CEP170B: variants seen among roughly 807,000 people sequenced by gnomAD.
CEP170B encodes centrosomal protein 170B, also known as centrosomal protein of 170 kDa protein B.
Under a neutral mutation model 120.6 loss-of-function variants are expected in CEP170B, and 55 were observed. The observed-to-expected ratio is 0.46, with a 90% CI of 0.37 to 0.57. The LOEUF (loss-of-function observed/expected upper bound fraction) is 0.57, where lower values mean the gene tolerates loss of function less well. CEP170B is among the 20% of genes least tolerant of loss of function. The probability of loss-of-function intolerance (pLI) is 0.00; values close to 1 mark genes in which losing one functional copy is unlikely to be tolerated. For missense variants in CEP170B, 2,212 were observed against 2,253.3 expected, an observed-to-expected ratio of 0.98 and a Z score of 0.37; for synonymous variants, 1,033 against 954.5, an observed-to-expected ratio of 1.08 and a Z score of -1.52.
At position 104,877,947 on chromosome 14, in the gene CEP170B, C is replaced by T. The variant is rs1895950932; in HGVS notation, c.258C>T (p.Val86=). The T allele has an allele frequency of 1.9e-6, 3 of 1,607,260 alleles. No homozygotes were observed. The East Asian group carries it at 6.7e-5, about 36-fold the overall frequency. ...QKYVTLKLND[V]IRFGYDSNMY... is the part of the protein sequence containing the mutation. Reference sequence around the variant, plus strand: ...ACGTCACGCTGAAGCTCAACGATGTCATCCGCTTCGGCTACGATATCCTGC... The same window carrying T: ...ACGTCACGCTGAAGCTCAACGATGTTATCCGCTTCGGCTACGATATCCTGC... The change falls in exon 4 of 19, where the codon GTC becomes GTT. Residue 86 remains valine (V), a synonymous_variant. Transcript: ENST00000414716.
In CEP170B at chr14:104,877,872, T is replaced by G. The variant is rs1287736638; in HGVS notation, c.196-13T>G. The G allele has an allele frequency of 5.3e-5, 34 of 645,634 alleles. No homozygotes were observed. The highest frequency in any genetic ancestry group is 6.3e-5 in the Non-Finnish European group (32 of 504,368). The allele number at this position is 645,634 out of a possible 1,614,324, so 40.0% of individuals were successfully genotyped here. On this transcript the variant is annotated splice_polypyrimidine_tract_variant and intron_variant, in intron 3 of 18. Transcript: ENST00000414716. Reference sequence around the variant, plus strand: ...CAGCTCCCCCCCCCCCCCCGCCACCTGTTTTCCTGCAGACGTTTGTGAATG... The same window carrying G: ...CAGCTCCCCCCCCCCCCCCGCCACCGGTTTTCCTGCAGACGTTTGTGAATG...
At chr14:104,893,193 C>G (rs1896933293) in intron 14 of CEP170B, 58 bp downstream of exon 14, 2 of 1,545,206 alleles carry the variant, frequency 1.3e-6, no homozygotes, top group South Asian at 2.4e-5. Context: ...GAGGGTCAGG[C>G]CAGGTCCCCA....
In CEP170B at chr14:104,891,059, GTGGA is replaced by G. The variant is rs373720795; in HGVS notation, c.3878+1322_3878+1325del. ...GATGGATGGATGGATGAGTGGGTGG[GTGGA>G]TGGATGGATGGATGGATGGAGAGTG... On this transcript the variant is annotated intron_variant, in intron 13 of 18. Transcript: ENST00000414716. The surrounding 1 kb of genome is among the most constrained non-coding windows in gnomAD (Gnocchi z 4.3). Among the ~76,000 whole-genome samples, 8 of 146,508 alleles carry G rather than the reference GTGGA, an allele frequency of 5.5e-5. No homozygotes were observed. The highest frequency in any genetic ancestry group is 2.2e-4 in the South Asian group (1 of 4,560).
At chr14:104,877,833 G>GCCCCCCCC in intron 3 of CEP170B, 52 bp from the exon 4 acceptor site, 15 of 359,708 alleles carry the variant, frequency 4.2e-5, no homozygotes, top group Admixed American at 1.2e-4. Context: ...CCTGCCCACA[G>GCCCCCCCC]CCACCCACCC....
chr14:104,882,558 A>G (rs1315382596), intron 6 of CEP170B, among the ~76,000 whole-genome samples, 170 bp from the exon 7 acceptor site: 1 of 152,036 alleles, frequency 6.6e-6, no homozygotes, highest in Non-Finnish European at 1.5e-5. Flanking sequence ...TCGGAACTCA[A>G]GGTAGTCAAC....
intron 13 of CEP170B, among the ~76,000 whole-genome samples, chr14:104,890,384 G>A (rs1257353808): frequency 7.1e-6 from 1 of 141,096 alleles, no homozygotes; most frequent in Non-Finnish European, 1.5e-5. Flanking sequence ...GTGGATGGAT[G>A]GATGAGTGGA....
In CEP170B at chr14:104,883,119, G is replaced by A. The variant is rs1441493390; in HGVS notation, c.662G>A (p.Arg221Gln). ...GAGCCTCAGGGCTGCTCGTTCCGGC[G>A]GGAGCCCAGCTACTTCGAGATCCCC... is the stretch of plus-strand genomic sequence containing the variant. ...PAEPQGCSFR[R>Q]EPSYFEIPTK... is the part of the protein sequence containing the mutation. The change falls in exon 8 of 19, where the codon CGG becomes CAG. Residue 221 changes from arginine (R) to glutamine (Q), a missense_variant. Physicochemically the swap from Arg to Gln is conservative, Grantham distance 43. Around this residue, in one of 2 missense-constraint regions of CEP170B, gnomAD observed 2,166 missense variants for 2,166.7 expected, o/e 1.00. Transcript: ENST00000414716. 2 of 1,595,170 alleles carry A rather than the reference G, an allele frequency of 1.3e-6. No individual in the cohort carries two copies. Among genetic ancestry groups the A allele is most frequent in the Non-Finnish European group, 1.7e-6 (2 of 1,173,574 alleles).
rs1897064150 is a variant in CEP170B, at chr14:104,896,144, C to T, written c.*1186C>T. 5.6e-6 allele frequency: 1 copy of T among 178,122 alleles called. No homozygotes were observed. The highest frequency in any genetic ancestry group is 1.2e-5 in the Non-Finnish European group (1 of 82,718). The allele number at this position is 178,122 out of a possible 1,614,324, so 11.0% of individuals were successfully genotyped here. Reference sequence around the variant, plus strand: ...GACTGGCGTGGGTGAGCTCCACACCCTGCCTGGCAATGGTATGAGAGTCGG... The same window carrying T: ...GACTGGCGTGGGTGAGCTCCACACCTTGCCTGGCAATGGTATGAGAGTCGG... On this transcript the variant is annotated 3_prime_UTR_variant, in exon 19 of 19. Transcript: ENST00000414716.
rs1309262463 is a variant in CEP170B, at chr14:104,865,874, C to T, written c.-28+361C>T. Among the ~76,000 whole-genome samples, 4 of 152,088 alleles carry T rather than the reference C, an allele frequency of 2.6e-5. No individual in the cohort carries two copies. The highest frequency in any genetic ancestry group is 1.3e-4 in the Admixed American group (2 of 15,274). On this transcript the variant is annotated intron_variant, in intron 1 of 18. Coordinates refer to ENST00000414716, the MANE Select transcript of CEP170B (RefSeq NM_001112726.3). This position sits in a 1 kb window ranked among gnomAD's most constrained non-coding sequence, Gnocchi z 6.7. ...GGCCGCCTCCCTCCTGGCCTGGTCT[C>T]TCCTCCCGCGGTCCCTCCCTCCGTC...
rs1896837969 is a variant in CEP170B at position 104,891,075 on chromosome 14, A to G, written c.3878+1317A>G. Among the ~76,000 whole-genome samples the G allele has an allele frequency of 2.9e-5, 4 of 139,764 alleles. No homozygotes were observed. In the South Asian group the frequency reaches 1.0e-3, roughly 36 times the overall value. The allele number at this position is 139,764 out of a possible 152,430, so 91.7% of individuals were successfully genotyped here. A position where few individuals can be genotyped will look rare whatever the true frequency, so the allele number is the denominator to read the frequency against. On this transcript the variant is annotated intron_variant, in intron 13 of 18. Coordinates refer to ENST00000414716, the MANE Select transcript of CEP170B (RefSeq NM_001112726.3). This position sits in a 1 kb window ranked among gnomAD's most constrained non-coding sequence, Gnocchi z 4.3. ...AGTGGGTGGGTGGATGGATGGATGG[A>G]TGGATGGAGAGTGAGTGGGTGGATG...
Position 104,876,260 on chromosome 14 carries a change from G to A in CEP170B, c.110G>A (p.Arg37His), listed in dbSNP as rs1486977164. 1 of 1,550,580 alleles carries A rather than the reference G, an allele frequency of 6.4e-7. No individual in the cohort carries two copies. Among genetic ancestry groups the A allele is most frequent in the Non-Finnish European group, 8.7e-7 (1 of 1,146,726 alleles). ...REECELMLQSRSVDKQHAVIN... is the reference protein window; with the variant it reads ...REECELMLQSHSVDKQHAVIN... ...GCTGGCTGTGTGTCTCTCCAGTCCC[G>A]CAGCGTGGACAAGCAGCATGCCGTC... The change falls in exon 3 of 19, where the codon CGC becomes CAC. Residue 37 changes from arginine to histidine, a missense_variant. Arg to His is a conservative substitution (Grantham distance 29). Transcript: ENST00000414716.
rs144789586 is a variant in CEP170B, at chr14:104,874,184, G to A, written c.106-2072G>A. Among the ~76,000 whole-genome samples the A allele has an allele frequency of 2.2e-3, 335 of 152,236 alleles. 3 individuals carry two copies. The highest frequency in any genetic ancestry group is 7.8e-3 in the African/African-American group (323 of 41,544). ...TGAGTGCTGGGGGTCGCCTGTGTCT[G>A]GAGGCCTTCAGGGACAGGTAGGAAG... On this transcript the variant is annotated intron_variant, in intron 2 of 18. Transcript: ENST00000414716.
rs1197646407 is a variant in CEP170B at position 104,883,816 on chromosome 14, C to T, written c.1052-15C>T. 6.6e-7 allele frequency: 1 copy of T among 1,521,502 alleles called. No individual in the cohort carries two copies. The highest frequency in any genetic ancestry group is 8.8e-7 in the Non-Finnish European group (1 of 1,132,718). 94.3% of individuals were successfully genotyped at this position (1,521,502 alleles called of 1,614,324 possible). A position where few individuals can be genotyped will look rare whatever the true frequency, so the allele number is the denominator to read the frequency against. On this transcript the variant is annotated splice_polypyrimidine_tract_variant and intron_variant, in intron 8 of 18. Transcript: ENST00000414716. The stretch of plus-strand genomic sequence containing the variant: ...TCTCTCGGCCTGACAAGGTGGGGTC[C>T]CCTGTCTCCCCCAGGCCACAAGCAC...
At chr14:104,888,050 C>T (rs888082465) in intron 12 of CEP170B, 72 bp downstream of exon 12, 1 of 1,401,618 alleles carries the variant, frequency 7.1e-7, no homozygotes, top group East Asian at 2.5e-5. Context: ...TCTTGGATGC[C>T]AGCTGAGTGC....
intron 3 of CEP170B, among the ~76,000 whole-genome samples, chr14:104,876,625 C>T (rs569154225): frequency 1.1e-4 from 16 of 152,280 alleles, no homozygotes; most frequent in African/African-American, 3.4e-4. Context: ...TCTCCCAGAT[C>T]GGGCCCCATC....
intron 13 of CEP170B, among the ~76,000 whole-genome samples, chr14:104,892,276 G>A (rs889098610): frequency 6.6e-6 from 1 of 152,178 alleles, no homozygotes; most frequent in East Asian, 1.9e-4. Context: ...TCACGGGCCC[G>A]GCAGGCCCCT....
intron 2 of CEP170B, among the ~76,000 whole-genome samples, chr14:104,874,562 T>C (rs940105357): frequency 6.6e-6 from 1 of 151,984 alleles, no homozygotes; most frequent in Non-Finnish European, 1.5e-5. Flanking sequence ...AGGACCCTAC[T>C]CTCCCCTTTA....
At position 104,870,093 on chromosome 14, in the gene CEP170B, C is replaced by T. The variant is rs2841226; in HGVS notation, c.105+1538C>T. Among the ~76,000 whole-genome samples, 395 of 127,692 alleles carry T rather than the reference C, an allele frequency of 3.1e-3. 2 individuals carry two copies. Among genetic ancestry groups the T allele is most frequent in the African/African-American group, 9.7e-3 (372 of 38,270 alleles). 83.8% of individuals were successfully genotyped at this position (127,692 alleles called of 152,430 possible). On this transcript the variant is annotated intron_variant, in intron 2 of 18. Transcript: ENST00000414716. The surrounding 1 kb of genome is among the most constrained non-coding windows in gnomAD (Gnocchi z 4.1). The stretch of plus-strand genomic sequence containing the variant: ...AGAGTCGGTGGCTGGGGGCAGGAGT[C>T]GGCAAATGTTTTCTACAAGGGCCTG...
intron 6 of CEP170B, among the ~76,000 whole-genome samples, chr14:104,880,811 C>T (rs1329475666): frequency 6.6e-6 from 1 of 151,566 alleles, no homozygotes; most frequent in East Asian, 1.9e-4. Context: ...ATCATGCACA[C>T]CCATACTGCT....
Sources: allele counts gnomAD v4.1 joint callset (sites outside exome capture counted in the v4.1 genomes callset), GRCh38; gene constraint gnomAD v4.1.1; regional missense constraint gnomAD v4.1.1; non-coding constraint Gnocchi (gnomAD v3.1); transcripts MANE v1.5; gene names NCBI Gene and HGNC (gene_info 2026-07-23, HGNC 2026-07-21).